INPP4B: variants seen among roughly 807,000 people sequenced by gnomAD.
INPP4B encodes the protein inositol polyphosphate-4-phosphatase type II B.
In INPP4B, 55 loss-of-function variants were observed where a neutral mutation model predicts 122.5. The ratio of observed to expected loss-of-function variants is 0.45; its 90% confidence interval spans 0.36 to 0.56. The LOEUF is 0.56. Ranked by LOEUF, INPP4B falls within the 20% of genes least tolerant of loss-of-function variation. INPP4B has a pLI of 0.00. For synonymous variants in INPP4B, 403 were observed against 388.7 expected (o/e 1.04, Z -0.43); for missense variants, 1,000 against 1,097.7 (o/e 0.91, Z 1.26).
At chr4:142,783,115 A>G (rs571033521) in intron 1 of INPP4B, among the ~76,000 whole-genome samples, 113 of 152,218 alleles carry the variant, frequency 7.4e-4, no homozygotes, top group African/African-American at 2.7e-3. Flanking sequence ...CAAGGACTTC[A>G]TGTCTAAAAC....
intron 1 of INPP4B, among the ~76,000 whole-genome samples, chr4:142,835,436 T>C (rs1312912354): frequency 6.6e-6 from 1 of 152,218 alleles, no homozygotes; most frequent in Non-Finnish European, 1.5e-5. Flanking sequence ...TATATAGTTA[T>C]GCAGCATTTA....
At chr4:142,340,359 T>C (rs931390992) in intron 7 of INPP4B, among the ~76,000 whole-genome samples, 1 of 152,124 alleles carries the variant, frequency 6.6e-6, no homozygotes, top group Non-Finnish European at 1.5e-5. Flanking sequence ...TGTAACAACG[T>C]TCCCCTTTTA....
chr4:142,785,393 T>C (rs1227518249), intron 1 of INPP4B, among the ~76,000 whole-genome samples: 2 of 151,888 alleles, frequency 1.3e-5, no homozygotes, highest in Non-Finnish European at 2.9e-5. Context: ...ATAAAAAAAT[T>C]AAAATAATTA....
At chr4:142,124,376 A>G (rs1797804349) in intron 19 of INPP4B, among the ~76,000 whole-genome samples, 1 of 152,168 alleles carries the variant, frequency 6.6e-6, no homozygotes, top group African/African-American at 2.4e-5. Context: ...AGACTTGGCC[A>G]TCTCTTTTCA....
intron 11 of INPP4B, among the ~76,000 whole-genome samples, chr4:142,252,918 C>T (rs556121701): frequency 1.4e-4 from 22 of 152,196 alleles, no homozygotes; most frequent in African/African-American, 4.6e-4. Context: ...TAGGCAATTT[C>T]GTCATGGTGC....
chr4:142,404,044 AAC>A (rs5862592), intron 6 of INPP4B, among the ~76,000 whole-genome samples: 34,772 of 152,066 alleles, frequency 0.23, 4,467 homozygotes, highest in East Asian at 0.42. Context: ...TTTTTAAAAT[AAC>A]AGAATTTTTA....
intron 1 of INPP4B, among the ~76,000 whole-genome samples, chr4:142,769,034 A>T (rs1480100221): frequency 6.6e-6 from 1 of 152,150 alleles, no homozygotes; most frequent in Non-Finnish European, 1.5e-5. Context: ...AATCTGGAAG[A>T]GTGGTAGTGA....
At chr4:142,139,701 T>A (rs1053056224) in intron 18 of INPP4B, among the ~76,000 whole-genome samples, 2 of 152,200 alleles carry the variant, frequency 1.3e-5, no homozygotes, top group Non-Finnish European at 2.9e-5. Flanking sequence ...TACAGCCTTA[T>A]ATGTGTTCCT....
chr4:142,647,365 A>G (rs914917879), intron 2 of INPP4B, among the ~76,000 whole-genome samples: 4 of 152,188 alleles, frequency 2.6e-5, no homozygotes, highest in Admixed American at 6.5e-5. Context: ...GCAAGGATTG[A>G]AACCTGCGCA....
At chr4:142,029,441 A>C (rs987322484) in intron 25 of INPP4B, 12 of 986,106 alleles carry the variant, frequency 1.2e-5, no homozygotes, top group Non-Finnish European at 1.2e-5. Flanking sequence ...TCTCAGCTTT[A>C]TAAAGGAAGA....
At chr4:142,609,697 C>T (rs1054861398) in intron 2 of INPP4B, among the ~76,000 whole-genome samples, 17 of 152,128 alleles carry the variant, frequency 1.1e-4, no homozygotes, top group Non-Finnish European at 2.1e-4. Flanking sequence ...TTCCTAAAAA[C>T]CACTTATCTG....
At chr4:142,312,493 T>C (rs749789645) in intron 8 of INPP4B, among the ~76,000 whole-genome samples, 11 of 152,162 alleles carry the variant, frequency 7.2e-5, no homozygotes, top group Non-Finnish European at 1.5e-4. Flanking sequence ...TGTCTCTCCT[T>C]TGAGAATCAT....
chr4:142,684,423 C>T (rs928898295), intron 2 of INPP4B, among the ~76,000 whole-genome samples: 4 of 151,960 alleles, frequency 2.6e-5, no homozygotes, highest in East Asian at 1.9e-4. Context: ...ACTGTGAATA[C>T]GAGAATATTC....
intron 3 of INPP4B, among the ~76,000 whole-genome samples, chr4:142,454,689 A>C (rs1451265006): frequency 6.6e-6 from 1 of 151,978 alleles, no homozygotes; most frequent in Non-Finnish European, 1.5e-5. Context: ...CTTTTCATTT[A>C]CTCTGGGACA....
chr4:142,571,154 G>T (rs920456401), intron 2 of INPP4B, among the ~76,000 whole-genome samples: 1 of 151,028 alleles, frequency 6.6e-6, no homozygotes, highest in African/African-American at 2.4e-5. Flanking sequence ...GAGGAAGAGG[G>T]CCTTGGCACC....
At chr4:142,211,894 C>T (rs562942274) in intron 12 of INPP4B, among the ~76,000 whole-genome samples, 1 of 152,236 alleles carries the variant, frequency 6.6e-6, no homozygotes, top group African/African-American at 2.4e-5. Context: ...ATGGCAGTTG[C>T]TACTGGGGAT....
intron 7 of INPP4B, among the ~76,000 whole-genome samples, chr4:142,398,402 ATATATATATATATATATATATATAT>A (rs1800304322): frequency 1.6e-4 from 1 of 6,388 alleles, no homozygotes; most frequent in Non-Finnish European, 3.1e-4. Context: ...AAAAAAAAAA[ATATATATATATATATATATATATAT>A]ATATATATAT....
chr4:142,732,314 A>G (rs1170974325), intron 1 of INPP4B, among the ~76,000 whole-genome samples: 3 of 152,068 alleles, frequency 2.0e-5, no homozygotes, highest in Admixed American at 6.5e-5. Context: ...TCTTTTCACT[A>G]TAAGTTAATA....
intron 2 of INPP4B, among the ~76,000 whole-genome samples, chr4:142,641,515 C>T (rs575339042): frequency 2.9e-4 from 44 of 150,986 alleles, no homozygotes; most frequent in African/African-American, 6.8e-4. Context: ...TGAGAACATG[C>T]GGTGTTTGGT....
Sources: allele counts gnomAD v4.1 joint callset (sites outside exome capture counted in the v4.1 genomes callset), GRCh38; gene constraint gnomAD v4.1.1; transcripts MANE v1.5; gene names NCBI Gene and HGNC (gene_info 2026-07-23, HGNC 2026-07-21).